DMD: variants seen among roughly 807,000 people sequenced by gnomAD.
DMD encodes mutant dystrophin.
In DMD, 63 loss-of-function variants were observed where a neutral mutation model predicts 330.1. The ratio of observed to expected loss-of-function variants is 0.19; its 90% CI spans 0.16 to 0.24. The LOEUF (loss-of-function observed/expected upper bound fraction) is 0.24, where lower values mean the gene tolerates loss of function less well. DMD is among the 10% of genes least tolerant of loss of function. The pLI is 1.00. For synonymous variants in DMD, 1,223 were observed against 959.8 expected, an observed-to-expected ratio of 1.27 and a Z score of -5.07; for missense variants, 3,344 against 2,684.1, an observed-to-expected ratio of 1.25 and a Z score of -5.43.
chrX:33,214,756 T>G (rs1047465580), upstream of DMD, among the ~76,000 whole-genome samples: 2 of 111,832 alleles, frequency 1.8e-5, no homozygotes, highest in Non-Finnish European at 3.8e-5. Flanking sequence ...TGGGCTCAAG[T>G]GATCCTCCTG....
intron 2 of DMD, among the ~76,000 whole-genome samples, chrX:32,868,182 G>A (rs958595269): frequency 2.7e-5 from 3 of 112,001 alleles, no homozygotes; most frequent in Non-Finnish European, 5.6e-5. Context: ...TACCCTGCCT[G>A]GGAAATCTTT....
At chrX:31,235,072 T>C (rs113123649) in intron 63 of DMD, among the ~76,000 whole-genome samples, 6 of 111,716 alleles carry the variant, frequency 5.4e-5, no homozygotes, top group African/African-American at 1.9e-4. Flanking sequence ...TAAACTGATT[T>C]AGCAGGATTC....
intron 2 of DMD, among the ~76,000 whole-genome samples, chrX:32,895,583 A>G (rs2085634055): frequency 9.0e-6 from 1 of 111,322 alleles, no homozygotes; most frequent in South Asian, 3.8e-4. Flanking sequence ...TTCTGAGAGC[A>G]TTCTTGGGCA....
At chrX:32,265,129 C>A (rs2097338925) in intron 43 of DMD, among the ~76,000 whole-genome samples, 1 of 112,137 alleles carries the variant, frequency 8.9e-6, no homozygotes, top group Non-Finnish European at 1.9e-5. Flanking sequence ...CATCATAGGA[C>A]CAGAGGCCTA....
chrX:31,757,051 T>C (rs1218732825), intron 51 of DMD, among the ~76,000 whole-genome samples: 5 of 110,373 alleles, frequency 4.5e-5, no homozygotes, highest in Non-Finnish European at 9.5e-5. Flanking sequence ...TATGAAAACA[T>C]CGATCTTTAA....
Position 32,653,368 on chromosome X carries a change from C to T in DMD, c.961-8216G>A, listed in dbSNP as rs187780210. ...AAGGAAGGGATCCAGTTTCAGCTTT[C>T]TACATATGGCTAGCCAGTTTTCCCA... On this transcript the variant is annotated intron_variant, in intron 9 of 78. Transcript: ENST00000357033. Among the ~76,000 whole-genome samples, 4 of 111,947 alleles carry T rather than the reference C, an allele frequency of 3.6e-5. No individual in the cohort carries two copies. The South Asian group carries it at 1.5e-3, about 42-fold the overall frequency.
chrX:32,020,266 C>G (rs1603620619), intron 44 of DMD, among the ~76,000 whole-genome samples: 1 of 112,679 alleles, frequency 8.9e-6, no homozygotes, highest in East Asian at 2.8e-4. Flanking sequence ...GCCGGCCCAA[C>G]AAATTTCACA....
chrX:32,378,030 A>G (rs1224517885), intron 34 of DMD, among the ~76,000 whole-genome samples: 5 of 111,124 alleles, frequency 4.5e-5, no homozygotes, highest in African/African-American at 9.8e-5. Flanking sequence ...TTATAAGAAT[A>G]TGAATCAGCG....
At chrX:31,933,969 T>C (rs2094891425) in intron 45 of DMD, among the ~76,000 whole-genome samples, 1 of 111,278 alleles carries the variant, frequency 9.0e-6, no homozygotes, top group African/African-American at 3.3e-5. Context: ...ATTTTTTTTT[T>C]TTTGCTTCAA....
intron 61 of DMD, among the ~76,000 whole-genome samples, chrX:31,328,027 A>G (rs1297966005): frequency 8.9e-6 from 1 of 112,328 alleles, no homozygotes; most frequent in African/African-American, 3.2e-5. Context: ...CATTTCTCTA[A>G]GATGAATGCT....
rs373699060 is a variant in DMD at position 33,060,045 on chromosome X, T to C, written c.32-39845A>G. Among the ~76,000 whole-genome samples the C allele has an allele frequency of 2.7e-5, 3 of 111,454 alleles. No homozygotes were observed. The East Asian group carries it at 8.5e-4, about 31-fold the overall frequency. On this transcript the variant is annotated intron_variant, in intron 1 of 78. Transcript: ENST00000357033. ...GATCCTTATACTGTTAAAGAAAAAATTATTCAATGTCACTTGCTGAATCAC... is the reference window on the plus strand; with the variant it reads ...GATCCTTATACTGTTAAAGAAAAAACTATTCAATGTCACTTGCTGAATCAC...
At chrX:32,643,418 T>C (rs978235572) in intron 11 of DMD, among the ~76,000 whole-genome samples, 2 of 110,359 alleles carry the variant, frequency 1.8e-5, no homozygotes, top group South Asian at 7.7e-4. Context: ...TTTCACTTAA[T>C]GTATTCAAAT....
intron 44 of DMD, among the ~76,000 whole-genome samples, chrX:32,120,721 A>T (rs1387471428): frequency 1.8e-5 from 2 of 111,763 alleles, no homozygotes; most frequent in African/African-American, 6.5e-5. Flanking sequence ...ACCTTACCAA[A>T]CTCATACAAA....
chrX:31,259,350 G>C (rs1428925243), intron 63 of DMD, among the ~76,000 whole-genome samples: 1 of 111,461 alleles, frequency 9.0e-6, no homozygotes, highest in Non-Finnish European at 1.9e-5. Flanking sequence ...GGGAGTACTG[G>C]GATAGAAAGA....
chrX:31,902,872 A>G (rs1485657918), intron 47 of DMD, among the ~76,000 whole-genome samples: 1 of 111,584 alleles, frequency 9.0e-6, no homozygotes, highest in Non-Finnish European at 1.9e-5. Flanking sequence ...GTGGTTGGCT[A>G]CATCAGGCAG....
At chrX:33,025,143 A>G (rs5971681) in intron 1 of DMD, among the ~76,000 whole-genome samples, 48,802 of 110,826 alleles carry the variant, frequency 0.44, 7,921 homozygotes, top group South Asian at 0.55. Context: ...ATGTAGCCAC[A>G]TGGGTGTTAG....
At chrX:32,632,335 G>C (rs2058787596) in intron 11 of DMD, among the ~76,000 whole-genome samples, 1 of 111,828 alleles carries the variant, frequency 8.9e-6, no homozygotes. Flanking sequence ...TGCTCTTATG[G>C]TCTGGTGCTG....
chrX:33,034,718 G>C (rs997675983), intron 1 of DMD, among the ~76,000 whole-genome samples: 22 of 111,901 alleles, frequency 2.0e-4, no homozygotes, highest in Admixed American at 1.3e-3. Context: ...GTCCTTGTTG[G>C]AGTATGCTCT....
intron 37 of DMD, among the ~76,000 whole-genome samples, chrX:32,359,265 A>G (rs1222265492): frequency 9.0e-6 from 1 of 111,632 alleles, no homozygotes; most frequent in Admixed American, 9.6e-5. Flanking sequence ...ACATGGGAGT[A>G]CCCCACTTTG....
Sources: gnomAD v4.1 joint callset for allele counts (sites outside exome capture counted in the v4.1 genomes callset) on GRCh38, gnomAD v4.1.1 for gene constraint, MANE v1.5 for transcripts, NCBI Gene and HGNC (gene_info 2026-07-23, HGNC 2026-07-21) for gene names.